The following AFF3 variants were observed in gnomAD, a reference collection of about 807,000 sequenced individuals.
AFF3 encodes AF4/FMR2 family member 3.
AFF3 carries 32 observed loss-of-function variants against 129.7 expected under a neutral mutation model. The observed-to-expected ratio is 0.25, with a 90% confidence interval of 0.19 to 0.33. The LOEUF (loss-of-function observed/expected upper bound fraction) is 0.33. Among genes scored for constraint, AFF3 ranks in the 10% least tolerant of loss-of-function variants. AFF3 has a pLI of 1.00. For synonymous variants in AFF3, 644 were observed against 635.4 expected (o/e 1.01, Z -0.20); for missense variants, 1,373 against 1,592.0 (o/e 0.86, Z 2.34).
At chr2:100,062,650 C>T (rs375445969) in intron 4 of AFF3, among the ~76,000 whole-genome samples, 4 of 152,226 alleles carry the variant, frequency 2.6e-5, no homozygotes, top group African/African-American at 9.6e-5. Context: ...GCAGTACCCC[C>T]GCAGGACAGC....
At chr2:99,971,295 C>G (rs1006226985) in intron 7 of AFF3, among the ~76,000 whole-genome samples, 2 of 152,182 alleles carry the variant, frequency 1.3e-5, no homozygotes, top group African/African-American at 4.8e-5. Context: ...CTAATTCACA[C>G]ATTTCCAATT....
intron 4 of AFF3, among the ~76,000 whole-genome samples, chr2:100,031,835 A>G (rs1291458972): frequency 6.6e-6 from 1 of 152,276 alleles, no homozygotes; most frequent in Non-Finnish European, 1.5e-5. Flanking sequence ...AATGGGGAAT[A>G]GCTGAATCAC....
intron 13 of AFF3, among the ~76,000 whole-genome samples, chr2:99,617,621 T>C (rs1269292996): frequency 2.0e-5 from 3 of 152,250 alleles, no homozygotes; most frequent in Non-Finnish European, 2.9e-5. Flanking sequence ...CTTGATGGTA[T>C]CATTTGCTAC....
intron 11 of AFF3, among the ~76,000 whole-genome samples, chr2:99,706,560 CT>C (rs1405903957): frequency 6.6e-6 from 1 of 152,098 alleles, no homozygotes; most frequent in African/African-American, 2.4e-5. Flanking sequence ...TTTCATTGTT[CT>C]TTATCTGAAC....
intron 7 of AFF3, among the ~76,000 whole-genome samples, chr2:99,850,874 AT>A (rs1407035695): frequency 6.6e-6 from 1 of 152,222 alleles, no homozygotes; most frequent in Non-Finnish European, 1.5e-5. Context: ...AAATGGATTA[AT>A]TGGGTAGAGA....
chr2:99,727,679 A>C (rs528716724), intron 10 of AFF3, among the ~76,000 whole-genome samples: 1 of 151,130 alleles, frequency 6.6e-6, no homozygotes, highest in South Asian at 2.1e-4. Flanking sequence ...CTCCAGTCTC[A>C]GCCTCCCGAG....
intron 6 of AFF3, 41 bp downstream of exon 6, chr2:100,007,107 A>G (rs1320398202): frequency 6.2e-6 from 10 of 1,601,972 alleles, no homozygotes; most frequent in Non-Finnish European, 8.5e-6. Flanking sequence ...TCTGGGTTTT[A>G]GCAGATTTGT....
intron 1 of AFF3, among the ~76,000 whole-genome samples, chr2:100,140,754 A>C (rs1251841019): frequency 6.6e-6 from 1 of 152,082 alleles, no homozygotes; most frequent in Non-Finnish European, 1.5e-5. Context: ...GCTCCAGAAC[A>C]TGTTCCTCTC....
At chr2:99,567,762 G>A (rs959830662) in intron 19 of AFF3, among the ~76,000 whole-genome samples, 3 of 152,152 alleles carry the variant, frequency 2.0e-5, no homozygotes, top group Non-Finnish European at 4.4e-5. Context: ...TCTCCTCTTG[G>A]GAAATCGTCA....
chr2:99,791,337 C>T (rs1340401504), intron 8 of AFF3, among the ~76,000 whole-genome samples: 1 of 152,304 alleles, frequency 6.6e-6, no homozygotes, highest in African/African-American at 2.4e-5. Flanking sequence ...CCATGTAATT[C>T]TCCTATGTAC....
intron 4 of AFF3, among the ~76,000 whole-genome samples, chr2:100,056,944 G>A (rs1686838267): frequency 6.6e-6 from 1 of 151,444 alleles, no homozygotes; most frequent in South Asian, 2.1e-4. Context: ...TAAAGCTGAA[G>A]AAATGGTAAA....
intron 18 of AFF3, among the ~76,000 whole-genome samples, chr2:99,577,597 C>T (rs1034931983): frequency 1.3e-5 from 2 of 152,208 alleles, no homozygotes; most frequent in South Asian, 4.1e-4. Flanking sequence ...ATGTATTTGA[C>T]GCCCGTAGGA....
At chr2:99,583,856 C>T (rs899272213) in intron 16 of AFF3, among the ~76,000 whole-genome samples, 1 of 151,940 alleles carries the variant, frequency 6.6e-6, no homozygotes, top group Non-Finnish European at 1.5e-5. Flanking sequence ...GTGCCTGCCA[C>T]CACATCCAGC....
chr2:99,608,749 T>C (rs1680624492), intron 13 of AFF3, among the ~76,000 whole-genome samples: 1 of 152,234 alleles, frequency 6.6e-6, no homozygotes, highest in African/African-American at 2.4e-5. Flanking sequence ...TGATTTTTTT[T>C]CACATGAAGC....
At chr2:100,106,119 G>A in intron 2 of AFF3, 4 of 1,256,840 alleles carry the variant, frequency 3.2e-6, no homozygotes, top group Non-Finnish European at 4.1e-6. Flanking sequence ...TCCTATTTGA[G>A]ATCGGATTTG....
chr2:99,648,917 A>ACACACACACACACACACACACACT, intron 13 of AFF3, among the ~76,000 whole-genome samples: 7 of 46,926 alleles, frequency 1.5e-4, no homozygotes, highest in African/African-American at 4.5e-4. Context: ...ACACACACAC[A>ACACACACACACACACACACACACT]CTCTCTCTCT....
chr2:99,877,584 T>C (rs532062409), intron 7 of AFF3, among the ~76,000 whole-genome samples: 5 of 152,328 alleles, frequency 3.3e-5, no homozygotes, highest in African/African-American at 9.6e-5. Flanking sequence ...CATCATTCTA[T>C]AGTCAGAAGT....
At chr2:99,638,078 AT>A (rs11401722) in intron 13 of AFF3, among the ~76,000 whole-genome samples, 41 of 147,536 alleles carry the variant, frequency 2.8e-4, no homozygotes, top group East Asian at 4.0e-4. Context: ...CAGAACCAGT[AT>A]TTTTTTTTTT....
At chr2:99,960,858 G>A (rs2104321088) in intron 7 of AFF3, among the ~76,000 whole-genome samples, 1 of 152,260 alleles carries the variant, frequency 6.6e-6, no homozygotes, top group African/African-American at 2.4e-5. Context: ...TGCTAATCAG[G>A]ACCCAGCCTC....
Sources: gnomAD v4.1 joint callset for allele counts (sites outside exome capture counted in the v4.1 genomes callset) on GRCh38, gnomAD v4.1.1 for gene constraint, MANE v1.5 for transcripts, NCBI Gene and HGNC (gene_info 2026-07-23, HGNC 2026-07-21) for gene names.